The following KCNU1 variants were observed in gnomAD, a reference collection of about 807,000 sequenced individuals.
The protein encoded by KCNU1 is potassium calcium-activated channel subfamily U member 1.
A neutral mutation model predicts 126.8 loss-of-function variants in KCNU1; 93 were observed. That is an observed-to-expected ratio of 0.73 (90% CI 0.62 to 0.87). The LOEUF is 0.87. KCNU1 is among the 40% of genes least tolerant of loss of function. The pLI, the probability that KCNU1 is intolerant of heterozygous loss-of-function variation, is 0.00. For missense variants in KCNU1, 1,330 were observed against 1,367.1 expected, an observed-to-expected ratio of 0.97 and a Z score of 0.43; for synonymous variants, 523 against 494.2, an observed-to-expected ratio of 1.06 and a Z score of -0.77.
At chr8:36,867,450 T>C (rs1414527666) in intron 19 of KCNU1, among the ~76,000 whole-genome samples, 2 of 152,188 alleles carry the variant, frequency 1.3e-5, no homozygotes, top group East Asian at 3.9e-4. Context: ...TGGATTTTGG[T>C]ATTGTGCATG....
chr8:36,905,807 A>T lies in KCNU1; in HGVS notation c.2106+3A>T, dbSNP rs755700469. 1.4e-6 allele frequency: 2 copies of T among 1,433,548 alleles called. No individual in the cohort carries two copies. Among genetic ancestry groups the T allele is most frequent in the Admixed American group, 1.9e-5 (1 of 51,968 alleles). The allele number at this position is 1,433,548 out of a possible 1,614,324, so 88.8% of individuals were successfully genotyped here. ...CCTCTTTGGACAAGGTGACTCTGGTAGGTGATCTTGCATCATCAAATCTCA... is the reference window on the plus strand; with the variant it reads ...CCTCTTTGGACAAGGTGACTCTGGTTGGTGATCTTGCATCATCAAATCTCA... On this transcript the variant is annotated splice_donor_region_variant and intron_variant, in intron 20 of 26. Coordinates refer to ENST00000399881, the MANE Select transcript of KCNU1 (RefSeq NM_001031836.3).
intron 19 of KCNU1, among the ~76,000 whole-genome samples, chr8:36,903,632 T>A (rs7826527): frequency 0.39 from 58,720 of 152,090 alleles, 11,476 homozygotes; most frequent in Admixed American, 0.44. Flanking sequence ...TATTGCAGAA[T>A]TCCTTTTATA....
At chr8:36,932,876 A>C (rs1808742758) in intron 25 of KCNU1, 44 bp from the exon 26 acceptor site, 1 of 1,148,026 alleles carries the variant, frequency 8.7e-7, no homozygotes, top group African/African-American at 1.5e-5. Flanking sequence ...TAATTGCTTG[A>C]TCAAAGTGCC....
At chr8:36,929,387 CAA>C (rs35835813) in intron 24 of KCNU1, among the ~76,000 whole-genome samples, 20,400 of 98,910 alleles carry the variant, frequency 0.21, 1,140 homozygotes, top group Middle Eastern at 0.3. Flanking sequence ...GACCCTGTCT[CAA>C]AAAAAAAAAA....
At chr8:36,856,082 A>G (rs952307032) in intron 18 of KCNU1, among the ~76,000 whole-genome samples, 8 of 152,186 alleles carry the variant, frequency 5.3e-5, no homozygotes, top group African/African-American at 1.7e-4. Flanking sequence ...CAGTTAATGT[A>G]CTTTTCAACT....
At chr8:36,823,560 G>A (rs1362764019) in intron 10 of KCNU1, among the ~76,000 whole-genome samples, 3 of 151,834 alleles carry the variant, frequency 2.0e-5, no homozygotes, top group South Asian at 2.1e-4. Flanking sequence ...AAGGATAACA[G>A]TATATTTCCT....
chr8:36,861,572 G>A (rs1161593798), intron 18 of KCNU1, among the ~76,000 whole-genome samples: 3 of 152,166 alleles, frequency 2.0e-5, no homozygotes, highest in African/African-American at 4.8e-5. Flanking sequence ...TTGCTTTTTC[G>A]GCTTCTAAAA....
intron 26 of KCNU1, among the ~76,000 whole-genome samples, chr8:36,934,481 C>T (rs956170057): frequency 7.2e-5 from 11 of 151,924 alleles, no homozygotes; most frequent in South Asian, 2.1e-4. Context: ...GAACTCCACC[C>T]CTCCCCCAAA....
At chr8:36,849,264 C>G (rs1805259787) in intron 18 of KCNU1, among the ~76,000 whole-genome samples, 1 of 152,140 alleles carries the variant, frequency 6.6e-6, no homozygotes, top group Non-Finnish European at 1.5e-5. Flanking sequence ...TGTCTGGCTC[C>G]TTTTATTCAG....
chr8:36,918,619 C>T (rs548132129), intron 22 of KCNU1, among the ~76,000 whole-genome samples: 1 of 151,970 alleles, frequency 6.6e-6, no homozygotes, highest in Admixed American at 6.6e-5. Context: ...CACATACACA[C>T]TCCCCTCCCC....
At chr8:36,906,181 CTT>C (rs10650715) in intron 20 of KCNU1, among the ~76,000 whole-genome samples, 1 of 145,754 alleles carries the variant, frequency 6.9e-6, no homozygotes. Flanking sequence ...ACTCTGCAGT[CTT>C]TTTTTTTTTT....
chr8:36,899,121 A>G (rs1437586018), intron 19 of KCNU1, among the ~76,000 whole-genome samples: 1 of 152,124 alleles, frequency 6.6e-6, no homozygotes. Flanking sequence ...AAAGCGCTGC[A>G]GAAAAGCTGT....
intron 24 of KCNU1, among the ~76,000 whole-genome samples, chr8:36,925,504 T>C (rs1220871948): frequency 1.3e-5 from 2 of 152,188 alleles, no homozygotes; most frequent in Admixed American, 1.3e-4. Flanking sequence ...ACTGGGCCAT[T>C]GGAAATAATT....
At chr8:36,795,612 C>T (rs1332966675) in intron 2 of KCNU1, 1 of 152,436 alleles carries the variant, frequency 6.6e-6, no homozygotes, top group African/African-American at 2.4e-5. Context: ...ACTTTCCAAA[C>T]TTCTCCTGTC....
intron 22 of KCNU1, among the ~76,000 whole-genome samples, chr8:36,915,779 A>G (rs1345156484): frequency 6.6e-6 from 1 of 152,206 alleles, no homozygotes; most frequent in African/African-American, 2.4e-5. Flanking sequence ...TCATGTCTCC[A>G]AACTCAATGA....
intron 24 of KCNU1, 147 bp downstream of exon 24, chr8:36,922,776 T>G: frequency 1.1e-6 from 1 of 876,350 alleles, no homozygotes; most frequent in Non-Finnish European, 1.7e-6. Context: ...TACATTAATT[T>G]ATCTTTTCTC....
chr8:36,847,497 C>A (rs1805193467), intron 18 of KCNU1, among the ~76,000 whole-genome samples: 1 of 152,060 alleles, frequency 6.6e-6, no homozygotes, highest in Admixed American at 6.6e-5. Context: ...TCTGCATCTT[C>A]CCCTCCCTCT....
intron 18 of KCNU1, among the ~76,000 whole-genome samples, chr8:36,851,635 T>C (rs1291600654): frequency 6.6e-6 from 1 of 152,192 alleles, no homozygotes; most frequent in Non-Finnish European, 1.5e-5. Context: ...TTTAATTTCT[T>C]GAAACAGTGT....
Position 36,931,281 on chromosome 8 carries a change from A to G in KCNU1, c.2931+136A>G, listed in dbSNP as rs888821939. The G allele has an allele frequency of 6.0e-6, 3 of 500,934 alleles. No homozygotes were observed. In the South Asian group the frequency reaches 1.3e-4, roughly 22 times the overall value. 31.0% of individuals were successfully genotyped at this position (500,934 alleles called of 1,614,324 possible). A position where few individuals can be genotyped will look rare whatever the true frequency, so the allele number is the denominator to read the frequency against. ...ACAATAAAAATAACAAAAAAAGAATACAAGTTTATATTATTCATAGAGTAT... is the reference window on the plus strand; with the variant it reads ...ACAATAAAAATAACAAAAAAAGAATGCAAGTTTATATTATTCATAGAGTAT... On this transcript the variant is annotated intron_variant, in intron 25 of 26. Coordinates refer to ENST00000399881, the MANE Select transcript of KCNU1 (RefSeq NM_001031836.3).
Sources: allele counts gnomAD v4.1 joint callset (sites outside exome capture counted in the v4.1 genomes callset), GRCh38; gene constraint gnomAD v4.1.1; transcripts MANE v1.5; gene names NCBI Gene and HGNC (gene_info 2026-07-23, HGNC 2026-07-21).